The following DCC variants were observed in gnomAD, a reference collection of about 807,000 sequenced individuals.
DCC encodes the protein netrin receptor DCC.
In DCC, 58 loss-of-function variants were observed where a neutral mutation model predicts 172.5. The observed-to-expected ratio is 0.34, with a 90% CI of 0.27 to 0.42. The LOEUF (loss-of-function observed/expected upper bound fraction) is 0.42, where lower values mean the gene tolerates loss of function less well. Among genes scored for constraint, DCC ranks in the 10% least tolerant of loss-of-function variants. DCC has a pLI of 1.00. For synonymous variants in DCC, 709 were observed against 644.5 expected (o/e 1.10, Z -1.52); for missense variants, 1,740 against 1,791.0 (o/e 0.97, Z 0.51).
intron 1 of DCC, among the ~76,000 whole-genome samples, chr18:52,400,653 A>G (rs1349613919): frequency 2.0e-5 from 3 of 152,146 alleles, no homozygotes; most frequent in Non-Finnish European, 4.4e-5. Context: ...ATGTATGTTT[A>G]TTGCAGCACT....
intron 1 of DCC, among the ~76,000 whole-genome samples, chr18:52,591,336 T>TA (rs2033795108): frequency 6.6e-6 from 1 of 152,150 alleles, no homozygotes; most frequent in Admixed American, 6.5e-5. Flanking sequence ...ATTTAAAACA[T>TA]ACAATTAAAA....
chr18:53,354,051 T>G (rs1286259427), intron 15 of DCC, among the ~76,000 whole-genome samples: 3 of 152,210 alleles, frequency 2.0e-5, no homozygotes, highest in Non-Finnish European at 4.4e-5. Context: ...CTGAGAATGA[T>G]GGTTTCCAGT....
At chr18:52,728,236 GATA>G (rs770565800) in intron 1 of DCC, among the ~76,000 whole-genome samples, 7 of 151,962 alleles carry the variant, frequency 4.6e-5, no homozygotes, top group Non-Finnish European at 1.0e-4. Flanking sequence ...ATTGTGAAGA[GATA>G]ATAAGCTACT....
At chr18:52,977,763 T>TAGTCCC (rs1460808179) in intron 5 of DCC, among the ~76,000 whole-genome samples, 1 of 151,702 alleles carries the variant, frequency 6.6e-6, no homozygotes, top group Non-Finnish European at 1.5e-5. Flanking sequence ...CAGGCACCTG[T>TAGTCCC]AGTCCCAGCT....
chr18:52,947,216 A>G (rs1244406342), intron 5 of DCC, among the ~76,000 whole-genome samples: 1 of 152,232 alleles, frequency 6.6e-6, no homozygotes. Context: ...TAGGGCAAGT[A>G]GTTTTTAACA....
At chr18:52,875,708 T>C (rs1288654673) in intron 2 of DCC, among the ~76,000 whole-genome samples, 1 of 152,232 alleles carries the variant, frequency 6.6e-6, no homozygotes, top group Non-Finnish European at 1.5e-5. Flanking sequence ...TTCTGTATTT[T>C]GCAGGCTTGC....
intron 1 of DCC, among the ~76,000 whole-genome samples, chr18:52,595,634 G>C (rs1272036188): frequency 1.3e-5 from 2 of 152,144 alleles, no homozygotes; most frequent in Non-Finnish European, 1.5e-5. Flanking sequence ...TCCCTCAAAT[G>C]AAAGTCCTCA....
intron 1 of DCC, among the ~76,000 whole-genome samples, chr18:52,638,944 A>C (rs995670076): frequency 2.0e-5 from 3 of 152,184 alleles, no homozygotes; most frequent in African/African-American, 7.2e-5. Context: ...AAGATAGACC[A>C]TATGACAGGC....
intron 5 of DCC, among the ~76,000 whole-genome samples, chr18:53,050,315 T>C (rs2042317692): frequency 6.6e-6 from 1 of 151,626 alleles, no homozygotes; most frequent in African/African-American, 2.4e-5. Flanking sequence ...CCGGAAACAA[T>C]ATTTTTTGCA....
intron 25 of DCC, among the ~76,000 whole-genome samples, chr18:53,468,367 A>ATTTATTTAT (rs1568151595): frequency 0.018 from 2,349 of 129,516 alleles, 74 homozygotes; most frequent in African/African-American, 0.062. Flanking sequence ...TATTTATTTT[A>ATTTATTTAT]TTTATTTATT....
intron 21 of DCC, among the ~76,000 whole-genome samples, chr18:53,429,295 A>G (rs900677406): frequency 8.0e-4 from 51 of 64,062 alleles, no homozygotes; most frequent in Non-Finnish European, 3.6e-4. Flanking sequence ...CATGCCTCAG[A>G]CAGTCAAGAC....
At chr18:53,429,130 A>T (rs1203130141) in intron 21 of DCC, among the ~76,000 whole-genome samples, 4 of 93,978 alleles carry the variant, frequency 4.3e-5, no homozygotes, top group Non-Finnish European at 6.7e-5. Context: ...TATATATATA[A>T]ATATATATAT....
chr18:52,876,382 G>C (rs1034065484), intron 2 of DCC, among the ~76,000 whole-genome samples: 1 of 152,150 alleles, frequency 6.6e-6, no homozygotes, highest in Non-Finnish European at 1.5e-5. Context: ...TTGACAGCCA[G>C]TTTTACCAAA....
chr18:53,321,501 A>G (rs763167377), intron 13 of DCC, among the ~76,000 whole-genome samples: 3 of 152,272 alleles, frequency 2.0e-5, no homozygotes, highest in Non-Finnish European at 2.9e-5. Flanking sequence ...CAAAATCATC[A>G]TAGGGATTGA....
intron 9 of DCC, among the ~76,000 whole-genome samples, chr18:53,199,297 G>A (rs1335680322): frequency 2.0e-5 from 3 of 151,704 alleles, no homozygotes; most frequent in African/African-American, 7.3e-5. Context: ...CATCTTGTTG[G>A]CCAGGCTGGT....
Position 52,966,585 on chromosome 18 carries a change from A to G in DCC, c.985+41215A>G, listed in dbSNP as rs867287117. On this transcript the variant is annotated intron_variant, in intron 5 of 28. Coordinates refer to ENST00000442544, the MANE Select transcript of DCC (RefSeq NM_005215.4). ...ACCAACAGGAGAAAATAGATAGGAC[A>G]GTGAAAAGCAAGGGTTCAAAAGCAA... Among the ~76,000 whole-genome samples, 8 of 152,190 alleles carry G rather than the reference A, an allele frequency of 5.3e-5. No homozygotes were observed. The South Asian group carries it at 8.3e-4, about 16-fold the overall frequency.
At chr18:52,935,870 T>C (rs2040373962) in intron 5 of DCC, among the ~76,000 whole-genome samples, 2 of 152,156 alleles carry the variant, frequency 1.3e-5, no homozygotes, top group African/African-American at 4.8e-5. Context: ...ATTTACAACA[T>C]CATTGCCTCT....
chr18:52,972,630 T>C (rs59939714), intron 5 of DCC, among the ~76,000 whole-genome samples: 163 of 152,166 alleles, frequency 1.1e-3, no homozygotes, highest in African/African-American at 3.6e-3. Flanking sequence ...ACATGTATAC[T>C]GGGCCAAAAG....
chr18:52,379,102 T>C (rs1340252775), intron 1 of DCC, among the ~76,000 whole-genome samples: 1 of 152,190 alleles, frequency 6.6e-6, no homozygotes, highest in Non-Finnish European at 1.5e-5. Context: ...CAAACCTCTC[T>C]CAGGTGCCAC....
Sources: gnomAD v4.1 joint callset for allele counts (sites outside exome capture counted in the v4.1 genomes callset) on GRCh38, gnomAD v4.1.1 for gene constraint, MANE v1.5 for transcripts, NCBI Gene and HGNC (gene_info 2026-07-23, HGNC 2026-07-21) for gene names.